The following OTOF variants were observed in gnomAD, a reference collection of about 807,000 sequenced individuals.
The protein encoded by OTOF is fer-1-like family member 2.
In OTOF, 218 loss-of-function variants were observed where a neutral mutation model predicts 236.8. The observed-to-expected ratio is 0.92, with a 90% CI of 0.82 to 1.03. OTOF has a LOEUF of 1.03. Among genes scored for constraint, OTOF ranks in the 50% least tolerant of loss-of-function variants. The pLI, the probability that OTOF is intolerant of heterozygous loss-of-function variation, is 0.00. For synonymous variants in OTOF, 1,041 were observed against 1,072.5 expected (o/e 0.97, Z 0.57); for missense variants, 2,590 against 2,694.4 (o/e 0.96, Z 0.86).
In OTOF at chr2:26,495,055, C is replaced by T. The variant is rs1024084525; in HGVS notation, c.784G>A (p.Glu262Lys). The T allele has an allele frequency of 7.4e-6, 12 of 1,614,018 alleles. No individual in the cohort carries two copies. The South Asian group carries it at 7.7e-5, about 10-fold the overall frequency. Residue 262 changes from glutamate (E) to lysine (K), a missense_variant, in exon 9 of 47, where the codon GAG becomes AAG. By Grantham distance (56) the Glu-to-Lys change is moderately conservative. Coordinates refer to ENST00000272371, the MANE Select transcript of OTOF (RefSeq NM_194248.3). Reference sequence around the variant, plus strand: ...TTCAAGCCCACCAGCTGCCGGGCCTCGATCACCGTGATGCTGACCTGCAGG... The same window carrying T: ...TTCAAGCCCACCAGCTGCCGGGCCTTGATCACCGTGATGCTGACCTGCAGG... ...MDYQVSITVI[E>K]ARQLVGLNMD...
At chr2:26,522,501 G>A (rs1454084670) in intron 3 of OTOF, among the ~76,000 whole-genome samples, 1 of 152,320 alleles carries the variant, frequency 6.6e-6, no homozygotes, top group African/African-American at 2.4e-5. Context: ...CCCCAGAGGC[G>A]ACCCTGCCCG....
chr2:26,553,441 G>A lies in OTOF; in HGVS notation c.79+5052C>T, dbSNP rs115139461. ...TTCCTCCTCCTGCTCCTTTTCCCTC[G>A]TCTCTGTAGCTCTAAGTAAGCTGTC... On this transcript the variant is annotated intron_variant, in intron 1 of 46. Coordinates refer to ENST00000272371, the MANE Select transcript of OTOF (RefSeq NM_194248.3). Among the ~76,000 whole-genome samples, 258 of 152,062 alleles carry A rather than the reference G, an allele frequency of 1.7e-3. 1 individual carries two copies. Among genetic ancestry groups the A allele is most frequent in the African/African-American group, 5.7e-3 (238 of 41,488 alleles).
At chr2:26,532,210 A>C (rs1046344130) in intron 2 of OTOF, among the ~76,000 whole-genome samples, 7 of 152,020 alleles carry the variant, frequency 4.6e-5, no homozygotes, top group African/African-American at 1.7e-4. Flanking sequence ...TCACAGCAAC[A>C]TGGCAAAGAT....
At chr2:26,542,414 T>G (rs941735018) in intron 1 of OTOF, among the ~76,000 whole-genome samples, 71 of 152,292 alleles carry the variant, frequency 4.7e-4, no homozygotes, top group African/African-American at 1.6e-3. Flanking sequence ...GGGAGATATA[T>G]CAGACATGGA....
intron 3 of OTOF, among the ~76,000 whole-genome samples, chr2:26,520,302 A>G (rs896580332): frequency 2.0e-5 from 3 of 152,192 alleles, no homozygotes; most frequent in African/African-American, 7.2e-5. Context: ...TGGAAGGGGA[A>G]GGGACACAGC....
intron 1 of OTOF, among the ~76,000 whole-genome samples, chr2:26,550,290 C>T (rs1328693022): frequency 6.6e-6 from 1 of 152,124 alleles, no homozygotes; most frequent in East Asian, 1.9e-4. Context: ...GTCCCTGTCT[C>T]CGGAGCCTTT....
chr2:26,548,765 G>A (rs1482155009), intron 1 of OTOF, among the ~76,000 whole-genome samples: 4 of 152,188 alleles, frequency 2.6e-5, no homozygotes, highest in African/African-American at 9.7e-5. Flanking sequence ...GTCATACCAT[G>A]TAGCCTAGGT....
chr2:26,483,006 T>C (rs1368218890), intron 13 of OTOF, among the ~76,000 whole-genome samples: 56 of 130,456 alleles, frequency 4.3e-4, no homozygotes, highest in Middle Eastern at 4.2e-3. Flanking sequence ...CATGTGTGCA[T>C]GTGTGAATGG....
chr2:26,554,150 C>T (rs960681533), intron 1 of OTOF, among the ~76,000 whole-genome samples: 8 of 118,298 alleles, frequency 6.8e-5, no homozygotes, highest in African/African-American at 2.7e-4. Context: ...TCCAGCCTGG[C>T]GACAGAGCGA....
rs60182448 is a variant in OTOF at position 26,457,541 on chromosome 2, C to T, written c.*697G>A. On this transcript the variant is annotated 3_prime_UTR_variant, in exon 47 of 47. Transcript: ENST00000272371. The surrounding 1 kb of genome is among the most constrained non-coding windows in gnomAD (Gnocchi z 4.4). ...CCCAGCAGTGGCAGAAGCAGCCGCG[C>T]TGGGACTTGTGGGCAGGGTCTGGCC... 6,803 of 153,934 alleles carry T rather than the reference C, an allele frequency of 0.044. 476 individuals carry two copies. Among genetic ancestry groups the T allele is most frequent in the African/African-American group, 0.15 (6,266 of 41,544 alleles). 9.5% of individuals were successfully genotyped at this position (153,934 alleles called of 1,614,324 possible).
intron 5 of OTOF, chr2:26,510,694 G>A: frequency 1.6e-6 from 2 of 1,288,286 alleles, no homozygotes; most frequent in Non-Finnish European, 2.0e-6. Context: ...GCCCTCGCCT[G>A]GGACACCTAC....
At chr2:26,469,790 G>T (rs1415482604) in intron 32 of OTOF, among the ~76,000 whole-genome samples, 3 of 152,218 alleles carry the variant, frequency 2.0e-5, no homozygotes, top group African/African-American at 7.2e-5. Context: ...CTTAATGTGT[G>T]CTCTAATAAA....
Position 26,462,771 on chromosome 2 carries a change from T to C in OTOF, c.5193-590A>G, listed in dbSNP as rs1041464397. Among the ~76,000 whole-genome samples, 3 of 152,068 alleles carry C rather than the reference T, an allele frequency of 2.0e-5. No individual in the cohort carries two copies. Among genetic ancestry groups the C allele is most frequent in the Non-Finnish European group, 2.9e-5 (2 of 67,988 alleles). On this transcript the variant is annotated intron_variant, in intron 41 of 46. Coordinates refer to ENST00000272371, the MANE Select transcript of OTOF (RefSeq NM_194248.3). This position sits in a 1 kb window ranked among gnomAD's most constrained non-coding sequence, Gnocchi z 4.7. ...ATGATTTGCTGGGGCCAGCGCCAAATGGAAATGCAGGGTCACTTGTCATAA... is the reference window on the plus strand; with the variant it reads ...ATGATTTGCTGGGGCCAGCGCCAAACGGAAATGCAGGGTCACTTGTCATAA...
At chr2:26,552,089 G>GC (rs1434046586) in intron 1 of OTOF, among the ~76,000 whole-genome samples, 7 of 26,234 alleles carry the variant, frequency 2.7e-4, no homozygotes, top group Admixed American at 6.6e-4. Flanking sequence ...TATATAAAAA[G>GC]TTAAAAAAAA....
chr2:26,498,149 T>C (rs537760703), intron 8 of OTOF, among the ~76,000 whole-genome samples: 1 of 152,342 alleles, frequency 6.6e-6, no homozygotes, highest in Non-Finnish European at 1.5e-5. Context: ...TACTTCTCCC[T>C]GTCCCCCTTT....
Position 26,495,090 on chromosome 2 carries a change from G to T in OTOF, c.766-17C>A. 1 of 1,613,990 alleles carries T rather than the reference G, an allele frequency of 6.2e-7. No homozygotes were observed. The highest frequency in any genetic ancestry group is 1.1e-5 in the South Asian group (1 of 91,074). ...GATGCTGACCTGCAGGCAGGAGAAG[G>T]GGGAGCCAGAAGGAAAGCTGCCTGA... On this transcript the variant is annotated splice_polypyrimidine_tract_variant and intron_variant, in intron 8 of 46. Transcript: ENST00000272371.
intron 25 of OTOF, 88 bp from the exon 26 acceptor site, chr2:26,474,762 G>A: frequency 6.9e-7 from 1 of 1,443,246 alleles, no homozygotes; most frequent in Admixed American, 1.7e-5. Context: ...GCCATGAGTT[G>A]TTGTAAGGGA....
chr2:26,524,869 G>A (rs978562667), intron 3 of OTOF, among the ~76,000 whole-genome samples: 1 of 152,256 alleles, frequency 6.6e-6, no homozygotes, highest in Non-Finnish European at 1.5e-5. Flanking sequence ...AGCTAGGGCT[G>A]TAGTGGCTGA....
intron 8 of OTOF, 108 bp downstream of exon 8, chr2:26,501,646 C>T (rs1310607482): frequency 4.1e-5 from 33 of 804,546 alleles, no homozygotes; most frequent in Admixed American, 3.8e-5. Context: ...TTGTTGTTCT[C>T]TATGACCCCT....
Sources: gnomAD v4.1 joint callset for allele counts (sites outside exome capture counted in the v4.1 genomes callset) on GRCh38, gnomAD v4.1.1 for gene constraint, Gnocchi (gnomAD v3.1) non-coding constraint, MANE v1.5 for transcripts, NCBI Gene and HGNC (gene_info 2026-07-23, HGNC 2026-07-21) for gene names.